The following WWOX variants were observed in gnomAD, a reference collection of about 807,000 sequenced individuals.
WWOX encodes WW domain-containing oxidoreductase.
WWOX carries 69 observed loss-of-function variants against 46.2 expected under a neutral mutation model. That is an observed-to-expected ratio of 1.49 (90% CI 1.23 to 1.82). WWOX has a LOEUF of 1.82. WWOX is among the 40% of genes most tolerant of loss of function. WWOX has a pLI of 0.00. For missense variants in WWOX, 919 were observed against 542.6 expected (o/e 1.69, Z -6.89); for synonymous variants, 359 against 202.6 (o/e 1.77, Z -6.56).
At chr16:79,103,722 A>T (rs1182461824) in intron 8 of WWOX, among the ~76,000 whole-genome samples, 2 of 152,146 alleles carry the variant, frequency 1.3e-5, no homozygotes, top group East Asian at 1.9e-4. Flanking sequence ...TTAATCCTAG[A>T]TATGTTACTT....
chr16:78,503,463 T>A (rs1395690146), intron 8 of WWOX, among the ~76,000 whole-genome samples: 1 of 152,170 alleles, frequency 6.6e-6, no homozygotes, highest in Non-Finnish European at 1.5e-5. Context: ...AAAAAAAATT[T>A]TTTTTTGATC....
At chr16:78,100,328 C>A in intron 1 of WWOX, 1 of 832,164 alleles carries the variant, frequency 1.2e-6, no homozygotes, top group Non-Finnish European at 1.5e-6. Flanking sequence ...TCATAGCCCA[C>A]TGTAGCCTCT....
chr16:78,663,798 G>C (rs1449477865), intron 8 of WWOX, among the ~76,000 whole-genome samples: 2 of 152,178 alleles, frequency 1.3e-5, no homozygotes, highest in Non-Finnish European at 2.9e-5. Flanking sequence ...GCCATGCAAA[G>C]ACCTCAGCAA....
intron 8 of WWOX, among the ~76,000 whole-genome samples, chr16:78,869,788 C>T (rs929935236): frequency 1.3e-5 from 2 of 152,154 alleles, no homozygotes. Flanking sequence ...TTAGCAGAGC[C>T]AAAAGCCAGC....
intron 8 of WWOX, among the ~76,000 whole-genome samples, chr16:78,441,151 C>T (rs975229056): frequency 4.0e-5 from 6 of 151,794 alleles, no homozygotes; most frequent in Admixed American, 3.9e-4. Context: ...ACATGTTGGC[C>T]AAGCTCGTCT....
intron 8 of WWOX, among the ~76,000 whole-genome samples, chr16:78,916,039 A>G (rs149735002): frequency 8.5e-5 from 13 of 152,276 alleles, no homozygotes; most frequent in African/African-American, 3.1e-4. Flanking sequence ...ATTTGGAACC[A>G]TTGTCTTCTC....
intron 6 of WWOX, among the ~76,000 whole-genome samples, chr16:78,415,255 A>G (rs1035434296): frequency 1.3e-5 from 2 of 152,006 alleles, no homozygotes; most frequent in Non-Finnish European, 2.9e-5. Flanking sequence ...GCATGTGTAC[A>G]CTGTCATGGT....
intron 8 of WWOX, among the ~76,000 whole-genome samples, chr16:79,183,974 C>T (rs546092156): frequency 6.6e-6 from 1 of 152,322 alleles, no homozygotes; most frequent in African/African-American, 2.4e-5. Context: ...TGCCTTTGCC[C>T]TTGTCACTTT....
At chr16:78,928,697 T>C (rs185061765) in intron 8 of WWOX, among the ~76,000 whole-genome samples, 86 of 152,222 alleles carry the variant, frequency 5.6e-4, no homozygotes, top group East Asian at 3.9e-4. Flanking sequence ...ATGTGATCAG[T>C]TGGTATATTT....
chr16:79,002,139 G>A (rs1335875969), intron 8 of WWOX, among the ~76,000 whole-genome samples: 2 of 147,992 alleles, frequency 1.4e-5, no homozygotes, highest in Non-Finnish European at 3.0e-5. Flanking sequence ...GAGTTTTAAT[G>A]CAAGTGTATC....
At chr16:79,128,569 C>T (rs1485054319) in intron 8 of WWOX, among the ~76,000 whole-genome samples, 1 of 152,106 alleles carries the variant, frequency 6.6e-6, no homozygotes, top group Non-Finnish European at 1.5e-5. Flanking sequence ...ACTTTAAATC[C>T]TGAGCTTTAT....
chr16:78,253,238 A>T (rs1198997392), intron 5 of WWOX, among the ~76,000 whole-genome samples: 1 of 152,104 alleles, frequency 6.6e-6, no homozygotes, highest in Non-Finnish European at 1.5e-5. Flanking sequence ...AGTTATAAGT[A>T]CTCTTTCCAT....
chr16:78,912,943 G>A (rs1053825477), intron 8 of WWOX, among the ~76,000 whole-genome samples: 22 of 151,924 alleles, frequency 1.4e-4, no homozygotes, highest in East Asian at 1.9e-4. Context: ...TCGAAGGGTC[G>A]AACGGTCCAT....
At chr16:78,814,713 A>G (rs2051285791) in intron 8 of WWOX, among the ~76,000 whole-genome samples, 1 of 152,174 alleles carries the variant, frequency 6.6e-6, no homozygotes, top group South Asian at 2.1e-4. Context: ...ATTTTGGGGG[A>G]AAAAGTTCTG....
intron 8 of WWOX, among the ~76,000 whole-genome samples, chr16:78,679,523 C>G (rs903935243): frequency 1.3e-5 from 2 of 152,050 alleles, no homozygotes; most frequent in Non-Finnish European, 2.9e-5. Context: ...TGCACTCCAG[C>G]CTGGGTGACA....
Position 78,838,395 on chromosome 16 carries a change from C to G in WWOX, c.1057-373213C>G, listed in dbSNP as rs112305169. On this transcript the variant is annotated intron_variant, in intron 8 of 8. Coordinates refer to ENST00000566780, the MANE Select transcript of WWOX (RefSeq NM_016373.4). ...TCTTAGAGAACTAAAGACACAGTTG[C>G]ATCTTAAAATGTTGAGACTTACACG... Among the ~76,000 whole-genome samples, 192 of 152,270 alleles carry G rather than the reference C, an allele frequency of 1.3e-3. 2 individuals carry two copies. The highest frequency in any genetic ancestry group is 4.4e-3 in the African/African-American group (181 of 41,542).
intron 8 of WWOX, among the ~76,000 whole-genome samples, chr16:78,787,384 C>A (rs779543561): frequency 2.0e-5 from 3 of 152,126 alleles, no homozygotes; most frequent in Non-Finnish European, 4.4e-5. Flanking sequence ...ATAGATTTGA[C>A]TATTCTGGAT....
At chr16:78,358,830 C>G (rs1597094584) in intron 5 of WWOX, among the ~76,000 whole-genome samples, 2 of 141,120 alleles carry the variant, frequency 1.4e-5, no homozygotes, top group South Asian at 2.3e-4. Flanking sequence ...TTTTAAAATT[C>G]AAATATATTT....
intron 8 of WWOX, among the ~76,000 whole-genome samples, chr16:79,135,272 C>T (rs972094427): frequency 1.1e-4 from 16 of 152,124 alleles, no homozygotes; most frequent in African/African-American, 3.9e-4. Flanking sequence ...TATGAGTACA[C>T]TTGTTAATTT....
Sources: gnomAD v4.1 joint callset for allele counts (sites outside exome capture counted in the v4.1 genomes callset) on GRCh38, gnomAD v4.1.1 for gene constraint, MANE v1.5 for transcripts, NCBI Gene and HGNC (gene_info 2026-07-23, HGNC 2026-07-21) for gene names.